The following SLC8A1 variants were observed in gnomAD, a reference collection of about 807,000 sequenced individuals.
The protein encoded by SLC8A1 is sodium/calcium exchanger 1.
In SLC8A1, 18 loss-of-function variants were observed where a neutral mutation model predicts 68.3. That is an observed-to-expected ratio of 0.26 (90% CI 0.18 to 0.39). The LOEUF is 0.39. Among genes scored for constraint, SLC8A1 ranks in the 10% least tolerant of loss-of-function variants. The pLI is 1.00. For synonymous variants in SLC8A1, 475 were observed against 415.5 expected, an observed-to-expected ratio of 1.14 and a Z score of -1.74; for missense variants, 985 against 1,156.7, an observed-to-expected ratio of 0.85 and a Z score of 2.15.
At chr2:40,215,704 C>T (rs1168929587) in intron 2 of SLC8A1, among the ~76,000 whole-genome samples, 1 of 151,184 alleles carries the variant, frequency 6.6e-6, no homozygotes, top group Non-Finnish European at 1.5e-5. Flanking sequence ...CTTTGTTGCC[C>T]AGGCTGGTCT....
rs1314275642 is a variant in SLC8A1 at position 40,389,150 on chromosome 2, A to G, written c.1808+39323T>C. 2.6e-5 allele frequency among the ~76,000 whole-genome samples: 4 copies of G among 152,132 alleles called. No homozygotes were observed. The East Asian group carries it at 7.7e-4, about 29-fold the overall frequency. ...GGGATGGCCTGAAGCTTAACCTAAA[A>G]TATTTCTATTTCAAAGTTGATCCTA... On this transcript the variant is annotated intron_variant, in intron 2 of 7. Transcript: ENST00000406785.
At chr2:40,422,245 G>T (rs1391043743) in intron 2 of SLC8A1, among the ~76,000 whole-genome samples, 1 of 149,350 alleles carries the variant, frequency 6.7e-6, no homozygotes, top group Non-Finnish European at 1.5e-5. Flanking sequence ...CTGTAATAAG[G>T]GACTAATCGA....
intron 2 of SLC8A1, among the ~76,000 whole-genome samples, chr2:40,284,863 G>T (rs2068062499): frequency 6.6e-6 from 1 of 151,952 alleles, no homozygotes; most frequent in Non-Finnish European, 1.5e-5. Context: ...TCTTCAAGAG[G>T]TAAAAGGAGC....
intron 2 of SLC8A1, among the ~76,000 whole-genome samples, chr2:40,348,234 C>T (rs1164061141): frequency 6.6e-6 from 1 of 152,176 alleles, no homozygotes; most frequent in Non-Finnish European, 1.5e-5. Flanking sequence ...CTGGAATCCA[C>T]AGGGCAAGTC....
intron 2 of SLC8A1, among the ~76,000 whole-genome samples, chr2:40,408,103 C>A (rs1455945133): frequency 3.9e-5 from 6 of 152,172 alleles, no homozygotes; most frequent in Non-Finnish European, 8.8e-5. Context: ...ACAGAAACAG[C>A]CCTATATATT....
intron 2 of SLC8A1, among the ~76,000 whole-genome samples, chr2:40,291,407 G>C (rs2069293119): frequency 6.6e-6 from 1 of 152,072 alleles, no homozygotes; most frequent in South Asian, 2.1e-4. Context: ...ATCAACAATA[G>C]AAAGATAAGT....
At chr2:40,343,718 A>AGATGT (rs1404328387) in intron 2 of SLC8A1, among the ~76,000 whole-genome samples, 1 of 152,188 alleles carries the variant, frequency 6.6e-6, no homozygotes, top group Admixed American at 6.6e-5. Flanking sequence ...TAAAGGAAAA[A>AGATGT]GATGTTCATG....
chr2:40,302,029 A>ATGTGTG (rs1405381831), intron 2 of SLC8A1, among the ~76,000 whole-genome samples: 1 of 83,886 alleles, frequency 1.2e-5, no homozygotes, highest in African/African-American at 4.6e-5. Flanking sequence ...CACCGGGCTA[A>ATGTGTG]TCTGTGTGTG....
intron 2 of SLC8A1, among the ~76,000 whole-genome samples, chr2:40,357,521 A>G (rs1336642166): frequency 1.4e-5 from 2 of 143,174 alleles, no homozygotes; most frequent in Admixed American, 1.4e-4. Flanking sequence ...AAAAAAACAC[A>G]AGATGTAAAC....
chr2:40,203,454 A>G (rs1254028494), intron 2 of SLC8A1, among the ~76,000 whole-genome samples: 1 of 152,002 alleles, frequency 6.6e-6, no homozygotes, highest in Non-Finnish European at 1.5e-5. Context: ...ACCTAAACAG[A>G]AATGTTTTAC....
At chr2:40,319,220 C>A (rs2074882322) in intron 2 of SLC8A1, among the ~76,000 whole-genome samples, 1 of 152,044 alleles carries the variant, frequency 6.6e-6, no homozygotes, top group Non-Finnish European at 1.5e-5. Flanking sequence ...TTCCAGTTTC[C>A]TAAATAGAAC....
chr2:40,124,668 T>C (rs1452787349), intron 7 of SLC8A1, among the ~76,000 whole-genome samples: 4 of 152,260 alleles, frequency 2.6e-5, no homozygotes, highest in African/African-American at 9.6e-5. Flanking sequence ...CTTCTGAGGC[T>C]CTAGAGGCAA....
In SLC8A1 at chr2:40,509,437, A is replaced by ATTTTT. The variant is rs367549288; in HGVS notation, c.-25+2907_-25+2911dup. Among the ~76,000 whole-genome samples, 15 of 113,728 alleles carry ATTTTT rather than the reference A, an allele frequency of 1.3e-4. 1 individual carries two copies. Among genetic ancestry groups the ATTTTT allele is most frequent in the African/African-American group, 4.9e-4 (14 of 28,328 alleles). The allele number at this position is 113,728 out of a possible 152,430, so 74.6% of individuals were successfully genotyped here. A position where few individuals can be genotyped will look rare whatever the true frequency, so the allele number is the denominator to read the frequency against. The stretch of plus-strand genomic sequence containing the variant: ...AATCACCTGATCAAGGGGATTTGGA[A>ATTTTT]TTTTTTTTTTTTTTTTTTTTTTTTT... On this transcript the variant is annotated intron_variant, in intron 1 of 7. Coordinates refer to the SLC8A1 transcript ENST00000402441.
intron 2 of SLC8A1, among the ~76,000 whole-genome samples, chr2:40,331,989 G>T (rs747537571): frequency 6.6e-6 from 1 of 151,752 alleles, no homozygotes; most frequent in Non-Finnish European, 1.5e-5. Flanking sequence ...AGCTATGATC[G>T]CACTGTCTGG....
In SLC8A1 at chr2:40,303,772, G is replaced by C. The variant is rs75597253; in HGVS notation, c.1808+124701C>G. Among the ~76,000 whole-genome samples the C allele has an allele frequency of 4.8e-3, 732 of 152,236 alleles. 6 individuals carry two copies. Among genetic ancestry groups the C allele is most frequent in the African/African-American group, 0.017 (689 of 41,546 alleles). ...CTCCTTTCAATACGAGGGGGATTCT[G>C]GGTTTTCCAGACCTCACTTTCTTCA... On this transcript the variant is annotated intron_variant, in intron 2 of 7. Transcript: ENST00000406785.
At chr2:40,174,801 G>A (rs1261113255) in intron 4 of SLC8A1, 24 bp downstream of exon 5, 2 of 1,606,442 alleles carry the variant, frequency 1.2e-6, no homozygotes, top group Admixed American at 1.7e-5. Flanking sequence ...AAGTTAGATA[G>A]CATTAGACTT....
At chr2:40,248,916 C>T (rs1457207876) in intron 2 of SLC8A1, among the ~76,000 whole-genome samples, 4 of 152,132 alleles carry the variant, frequency 2.6e-5, no homozygotes, top group African/African-American at 7.2e-5. Flanking sequence ...TCAGAACAAA[C>T]AAAAAGTCTT....
chr2:40,369,045 G>C (rs1396898013), intron 2 of SLC8A1, among the ~76,000 whole-genome samples: 1 of 152,022 alleles, frequency 6.6e-6, no homozygotes, highest in Non-Finnish European at 1.5e-5. Context: ...ACTCAAGATG[G>C]ATTAAAGACT....
chr2:40,223,601 A>G (rs2058621423), intron 2 of SLC8A1: 1 of 151,952 alleles, frequency 6.6e-6, no homozygotes, highest in Admixed American at 6.6e-5. Flanking sequence ...ACTGTCTTGT[A>G]CCTCTCTATT....
Sources: gnomAD v4.1 joint callset for allele counts (sites outside exome capture counted in the v4.1 genomes callset) on GRCh38, gnomAD v4.1.1 for gene constraint, MANE v1.5 for transcripts, NCBI Gene and HGNC (gene_info 2026-07-23, HGNC 2026-07-21) for gene names.